The following ESPN variants were observed in gnomAD, a reference collection of about 807,000 sequenced individuals.
ESPN encodes the protein espin.
ESPN carries 68 observed loss-of-function variants against 77.7 expected under a neutral mutation model. The observed-to-expected ratio is 0.87, with a 90% CI of 0.72 to 1.07. ESPN has a LOEUF of 1.07. Ranked by LOEUF, ESPN falls within the 50% of genes least tolerant of loss-of-function variation. The pLI, the probability that ESPN is intolerant of heterozygous loss-of-function variation, is 0.00. For synonymous variants in ESPN, 449 were observed against 567.1 expected, an observed-to-expected ratio of 0.79 and a Z score of 2.96; for missense variants, 1,060 against 1,239.0, an observed-to-expected ratio of 0.86 and a Z score of 2.17.
At chr1:6,452,485 C>T (rs1319462458) in intron 10 of ESPN, among the ~76,000 whole-genome samples, 3 of 152,104 alleles carry the variant, frequency 2.0e-5, no homozygotes, top group African/African-American at 7.2e-5. Flanking sequence ...GTGGTACAAC[C>T]CTGTTTGGGG....
chr1:6,440,910 G>C, intron 4 of ESPN, 24 bp from the exon 5 acceptor site: 1 of 1,552,118 alleles, frequency 6.4e-7, no homozygotes. Context: ...GCCGCGGCCG[G>C]GTCCTCACTG....
intron 12 of ESPN, 62 bp downstream of exon 12, chr1:6,457,434 C>G: frequency 1.2e-6 from 2 of 1,611,404 alleles, no homozygotes; most frequent in Non-Finnish European, 1.7e-6. Context: ...AGAGGGTCGT[C>G]CCTTCATCCA....
chr1:6,455,616 C>G (rs1305648388), intron 10 of ESPN: 6 of 399,238 alleles, frequency 1.5e-5, no homozygotes, highest in East Asian at 3.6e-5. Context: ...CGGCGCACCC[C>G]CGCACTACGA....
At chr1:6,452,823 T>TG (rs1643972922) in intron 10 of ESPN, among the ~76,000 whole-genome samples, 1 of 152,254 alleles carries the variant, frequency 6.6e-6, no homozygotes, top group South Asian at 2.1e-4. Flanking sequence ...TAAGGTGGGC[T>TG]GATCAGCACC....
chr1:6,441,444 C>T (rs1325721112), intron 5 of ESPN, among the ~76,000 whole-genome samples: 2 of 152,144 alleles, frequency 1.3e-5, no homozygotes, highest in East Asian at 1.9e-4. Context: ...AGTGAGTCTG[C>T]GGGGCACCAA....
Position 6,460,854 on chromosome 1 carries a change from T to G in ESPN, c.*708T>G. On this transcript the variant is annotated 3_prime_UTR_variant, in exon 13 of 13. Coordinates refer to ENST00000645284, the MANE Select transcript of ESPN (RefSeq NM_031475.3). The stretch of plus-strand genomic sequence containing the variant: ...AATAGAGGATGAGGGGCCCTGACCC[T>G]GTGTCTCCAACTGCTGCACCCCATC... 1 of 299,984 alleles carries G rather than the reference T, an allele frequency of 3.3e-6. No homozygotes were observed. The highest frequency in any genetic ancestry group is 6.5e-6 in the Non-Finnish European group (1 of 152,888). The allele number at this position is 299,984 out of a possible 1,614,324, so 18.6% of individuals were successfully genotyped here. A position where few individuals can be genotyped will look rare whatever the true frequency, so the allele number is the denominator to read the frequency against.
intron 10 of ESPN, chr1:6,455,027 C>A: frequency 2.6e-6 from 1 of 378,412 alleles, no homozygotes; most frequent in Non-Finnish European, 4.7e-6. Context: ...GCCGCAAGCC[C>A]CCGCAGTCCG....
chr1:6,454,961 T>C, intron 10 of ESPN: 1 of 381,948 alleles, frequency 2.6e-6, no homozygotes, highest in Non-Finnish European at 4.6e-6. Context: ...CCGTGCAGCA[T>C]CTCCGCGCCA....
Position 6,428,535 on chromosome 1 carries a change from T to TGATCTGG in ESPN, c.488+116_488+117insGATCTGG. 2 of 920,038 alleles carry TGATCTGG rather than the reference T, an allele frequency of 2.2e-6. No homozygotes were observed. The highest frequency in any genetic ancestry group is 3.3e-6 in the Non-Finnish European group (2 of 614,732). 57.0% of individuals were successfully genotyped at this position (920,038 alleles called of 1,614,324 possible). On this transcript the variant is annotated intron_variant, in intron 2 of 12. Coordinates refer to ENST00000645284, the MANE Select transcript of ESPN (RefSeq NM_031475.3). This position sits in a 1 kb window ranked among gnomAD's most constrained non-coding sequence, Gnocchi z 5.4. ...AGGGCAATGATCCCTCCAGTGGCCATCCTGGGGCCAGAGGGCCAGGCCAGA... is the reference window on the plus strand; with the variant it reads ...AGGGCAATGATCCCTCCAGTGGCCATGATCTGGCCTGGGGCCAGAGGGCCAGGCCAGA...
chr1:6,454,400 G>T (rs1467339566), intron 10 of ESPN: 1 of 398,730 alleles, frequency 2.5e-6, no homozygotes, highest in Non-Finnish European at 4.4e-6. Flanking sequence ...AGGGAGACGC[G>T]CCTCCCTCCC....
At chr1:6,441,186 C>G in intron 5 of ESPN, 121 bp downstream of exon 5, 1 of 1,354,898 alleles carries the variant, frequency 7.4e-7, no homozygotes, top group Non-Finnish European at 1.0e-6. Context: ...AGCCCGCTAC[C>G]CCACACGACC....
intron 1 of ESPN, among the ~76,000 whole-genome samples, chr1:6,425,609 G>C (rs887276120): frequency 2.6e-5 from 4 of 152,254 alleles, no homozygotes; most frequent in Admixed American, 2.0e-4. Context: ...TCAGACGCCC[G>C]TGTCCTCCAG....
chr1:6,458,008 GAAAAA>G (rs34724255), intron 12 of ESPN, among the ~76,000 whole-genome samples: 1,549 of 85,618 alleles, frequency 0.018, 29 homozygotes, highest in African/African-American at 0.063. Flanking sequence ...CTCATTCTGC[GAAAAA>G]AAAAAAAAAA....
chr1:6,430,165 C>A (rs113421613), intron 2 of ESPN, among the ~76,000 whole-genome samples: 12,853 of 152,244 alleles, frequency 0.084, 723 homozygotes, highest in African/African-American at 0.15. Context: ...CACAGGGCCC[C>A]ATCAGGGGAC....
rs773552273 is a variant in ESPN, at chr1:6,460,156, A to C, written c.*10A>C. On this transcript the variant is annotated 3_prime_UTR_variant, in exon 13 of 13. Transcript: ENST00000645284. ...CATCGCTAAGTACTAGAGGCCGCAGACTCCTGTCCGCAGCCTCGCAGCTCC... is the reference window on the plus strand; with the variant it reads ...CATCGCTAAGTACTAGAGGCCGCAGCCTCCTGTCCGCAGCCTCGCAGCTCC... 1.0e-5 allele frequency: 16 copies of C among 1,606,114 alleles called. No individual in the cohort carries two copies. In the South Asian group the frequency reaches 1.7e-4, roughly 17 times the overall value.
At chr1:6,457,657 G>T (rs1480688427) in intron 12 of ESPN, among the ~76,000 whole-genome samples, 1 of 152,038 alleles carries the variant, frequency 6.6e-6, no homozygotes, top group Admixed American at 6.6e-5. Flanking sequence ...TGTACTTTCT[G>T]CCCCTAGTCA....
chr1:6,458,047 G>A (rs1177474346), intron 12 of ESPN, among the ~76,000 whole-genome samples: 1 of 151,448 alleles, frequency 6.6e-6, no homozygotes, highest in Non-Finnish European at 1.5e-5. Flanking sequence ...TTGAGATGGG[G>A]TTTCACTCTT....
chr1:6,425,318 C>T, intron 1 of ESPN, 69 bp downstream of exon 1: 3 of 1,521,260 alleles, frequency 2.0e-6, no homozygotes, highest in South Asian at 1.2e-5. Context: ...CCCAGAGTCC[C>T]CCGGGGCTCA....
intron 7 of ESPN, among the ~76,000 whole-genome samples, chr1:6,446,294 C>A (rs1275918307): frequency 6.6e-6 from 1 of 152,174 alleles, no homozygotes; most frequent in Non-Finnish European, 1.5e-5. Context: ...CATGCCCCCC[C>A]ACCCCCACAG....
Sources: gnomAD v4.1 joint callset for allele counts (sites outside exome capture counted in the v4.1 genomes callset) on GRCh38, gnomAD v4.1.1 for gene constraint, Gnocchi (gnomAD v3.1) non-coding constraint, MANE v1.5 for transcripts, NCBI Gene and HGNC (gene_info 2026-07-23, HGNC 2026-07-21) for gene names.